The following CCDC63 variants were observed in gnomAD, a reference collection of about 807,000 sequenced individuals.
CCDC63 encodes coiled-coil domain-containing protein 63.
Under a neutral mutation model 63.6 loss-of-function variants are expected in CCDC63, and 54 were observed. The observed-to-expected ratio is 0.85, with a 90% CI of 0.68 to 1.07. The LOEUF (loss-of-function observed/expected upper bound fraction) is 1.07. CCDC63 is among the 50% of genes least tolerant of loss of function. The pLI is 0.00. For synonymous variants in CCDC63, 253 were observed against 266.1 expected (o/e 0.95, Z 0.48); for missense variants, 637 against 689.6 (o/e 0.92, Z 0.86).
At chr12:110,866,920 G>C (rs368450511) in intron 4 of CCDC63, among the ~76,000 whole-genome samples, 202 of 71,488 alleles carry the variant, frequency 2.8e-3, no homozygotes, top group Admixed American at 5.2e-3. Flanking sequence ...CCTCACCTCC[G>C]GGACGGGGCG....
intron 3 of CCDC63, among the ~76,000 whole-genome samples, chr12:110,854,674 C>G (rs1337201825): frequency 6.6e-6 from 1 of 152,122 alleles, no homozygotes; most frequent in Non-Finnish European, 1.5e-5. Context: ...TTCTTAGATT[C>G]CCTCCAAGGG....
intron 4 of CCDC63, among the ~76,000 whole-genome samples, chr12:110,867,448 G>A (rs1380047229): frequency 5.4e-5 from 6 of 110,202 alleles, no homozygotes; most frequent in African/African-American, 2.2e-4. Context: ...CGGGCTGAGG[G>A]GCTCCTCACT....
At chr12:110,891,061 G>A (rs1480033699) in intron 8 of CCDC63, among the ~76,000 whole-genome samples, 1 of 152,090 alleles carries the variant, frequency 6.6e-6, no homozygotes, top group Non-Finnish European at 1.5e-5. Context: ...TAACAGGCAT[G>A]AGCCACCATG....
chr12:110,901,170 G>A (rs1201819976), intron 10 of CCDC63, among the ~76,000 whole-genome samples: 1 of 152,152 alleles, frequency 6.6e-6, no homozygotes, highest in East Asian at 1.9e-4. Flanking sequence ...TACATGGTGT[G>A]TATTTTGTAG....
chr12:110,857,873 G>A (rs1189575517), intron 3 of CCDC63, among the ~76,000 whole-genome samples: 2 of 152,116 alleles, frequency 1.3e-5, no homozygotes, highest in African/African-American at 2.4e-5. Context: ...TTGGGAGGCC[G>A]AGGCAGGTGG....
Position 110,877,704 on chromosome 12 carries a change from C to CTTTTT in CCDC63, c.490-2199_490-2198insTTTTT, listed in dbSNP as rs869085659. ...TATCTCTGTATATTTGACTTTCTTT[C>CTTTTT]TTTCTTTTTTTTTTTTTTTGAGACT... On this transcript the variant is annotated intron_variant, in intron 5 of 11. Coordinates refer to ENST00000308208, the MANE Select transcript of CCDC63 (RefSeq NM_152591.3). Among the ~76,000 whole-genome samples, 4 of 142,908 alleles carry CTTTTT rather than the reference C, an allele frequency of 2.8e-5. 1 individual carries two copies. Among genetic ancestry groups the CTTTTT allele is most frequent in the African/African-American group, 5.3e-5 (2 of 37,802 alleles). The allele number at this position is 142,908 out of a possible 152,430, so 93.8% of individuals were successfully genotyped here.
At chr12:110,895,794 A>G (rs1052214084) in intron 9 of CCDC63, among the ~76,000 whole-genome samples, 2 of 152,194 alleles carry the variant, frequency 1.3e-5, no homozygotes, top group Non-Finnish European at 2.9e-5. Flanking sequence ...CATTGTAGCT[A>G]TTATTATTGT....
chr12:110,868,627 A>C (rs1027092881), intron 4 of CCDC63, among the ~76,000 whole-genome samples: 1 of 151,158 alleles, frequency 6.6e-6, no homozygotes, highest in South Asian at 2.1e-4. Flanking sequence ...AGACTGAGGC[A>C]GGAGAATCAT....
At chr12:110,852,028 C>T (rs1313622273) in intron 1 of CCDC63, among the ~76,000 whole-genome samples, 1 of 152,200 alleles carries the variant, frequency 6.6e-6, no homozygotes, top group Non-Finnish European at 1.5e-5. Context: ...GAACCCAGCT[C>T]CTGCAGTCTG....
In CCDC63 at chr12:110,884,233, AG is replaced by A; in HGVS notation, c.1059del (p.Thr354ProfsTer26). The A allele has an allele frequency of 6.2e-7, 1 of 1,614,116 alleles. No individual in the cohort carries two copies. The highest frequency in any genetic ancestry group is 1.1e-5 in the South Asian group (1 of 91,080). Reference sequence around the variant, plus strand: ...CAACGACATGGAGATGATGCACAAGAGGACCCAACGAATCCAGGTCAGGGCG... The same window carrying A: ...CAACGACATGGAGATGATGCACAAGAGACCCAACGAATCCAGGTCAGGGCG... ...LNNDMEMMHK[R>X]TQRIQDEIIL... On this transcript the variant is annotated frameshift_variant, in exon 8 of 12. Coordinates refer to ENST00000308208, the MANE Select transcript of CCDC63 (RefSeq NM_152591.3). LOFTEE classifies it high-confidence loss of function.
At chr12:110,853,670 A>G in intron 3 of CCDC63, 96 bp downstream of exon 3, 1 of 1,398,932 alleles carries the variant, frequency 7.1e-7, no homozygotes, top group Middle Eastern at 1.8e-4. Flanking sequence ...CCCCTGGGGC[A>G]GGGAGCCACC....
At chr12:110,872,886 C>T (rs1393706446) in intron 4 of CCDC63, among the ~76,000 whole-genome samples, 1 of 152,166 alleles carries the variant, frequency 6.6e-6, no homozygotes, top group Non-Finnish European at 1.5e-5. Context: ...CTTGGCCTCC[C>T]AAAATGCTGG....
intron 7 of CCDC63, 137 bp from the exon 8 acceptor site, chr12:110,883,893 G>T (rs1566131601): frequency 3.1e-5 from 22 of 720,642 alleles, no homozygotes; most frequent in South Asian, 2.3e-4. Context: ...GCCTGCCTCG[G>T]CTTCCCAAAG....
At chr12:110,853,033 C>T (rs1210770635) in intron 2 of CCDC63, 70 bp downstream of exon 2, 11 of 1,503,460 alleles carry the variant, frequency 7.3e-6, no homozygotes, top group African/African-American at 5.5e-5. Context: ...CCACTTTACA[C>T]GTTAGCTCGT....
chr12:110,889,978 G>A lies in CCDC63; in HGVS notation c.1075-3098G>A, dbSNP rs192575578. On this transcript the variant is annotated intron_variant, in intron 8 of 11. Transcript: ENST00000308208. The surrounding 1 kb of genome is among the most constrained non-coding windows in gnomAD (Gnocchi z 4.1). ...CAAATCAGGAATAATTCCATCACAC[G>A]GACATAGCATTGTTTCATCTTTTTG... 3.4e-4 allele frequency among the ~76,000 whole-genome samples: 52 copies of A among 151,918 alleles called. 1 individual carries two copies. In the East Asian group the frequency reaches 9.5e-3, roughly 28 times the overall value.
At chr12:110,844,786 T>A (rs1006250532), upstream of CCDC63, among the ~76,000 whole-genome samples, 23 of 152,144 alleles carry the variant, frequency 1.5e-4, no homozygotes, top group Non-Finnish European at 3.2e-4. Context: ...CAAATTGGGA[T>A]TGGCTGGGAA....
intron 4 of CCDC63, among the ~76,000 whole-genome samples, chr12:110,871,757 G>A (rs1195211517): frequency 1.3e-5 from 2 of 152,058 alleles, no homozygotes; most frequent in African/African-American, 4.8e-5. Flanking sequence ...TTATTGCAGT[G>A]TCTGGAAGGC....
At position 110,893,182 on chromosome 12, in the gene CCDC63, G is replaced by C. The variant is rs202130416; in HGVS notation, c.1149+32G>C. The C allele has an allele frequency of 3.8e-5, 59 of 1,572,444 alleles. No homozygotes were observed. The East Asian group carries it at 1.3e-3, about 35-fold the overall frequency. On this transcript the variant is annotated intron_variant, in intron 9 of 11. Coordinates refer to ENST00000308208, the MANE Select transcript of CCDC63 (RefSeq NM_152591.3). ...ACAGGATCGGGAGGGAGGGATGCGG[G>C]AGCTTCTGTTGTCTGTCTCTGTGTC...
intron 9 of CCDC63, among the ~76,000 whole-genome samples, chr12:110,897,446 A>T (rs2071427944): frequency 6.7e-6 from 1 of 150,100 alleles, no homozygotes; most frequent in African/African-American, 2.5e-5. Context: ...AAAACCCAAA[A>T]ACTTAGCTGG....
Sources: gnomAD v4.1 joint callset for allele counts (sites outside exome capture counted in the v4.1 genomes callset) on GRCh38, gnomAD v4.1.1 for gene constraint, Gnocchi (gnomAD v3.1) non-coding constraint, MANE v1.5 for transcripts, NCBI Gene and HGNC (gene_info 2026-07-23, HGNC 2026-07-21) for gene names.